KCNN2: variants seen among roughly 807,000 people sequenced by gnomAD.
The protein encoded by KCNN2 is potassium calcium-activated channel subfamily N member 2.
In KCNN2, 24 loss-of-function variants were observed where a neutral mutation model predicts 55.5. The ratio of observed to expected loss-of-function variants is 0.43; its 90% CI spans 0.31 to 0.61. The LOEUF (loss-of-function observed/expected upper bound fraction) is 0.61, where lower values mean the gene tolerates loss of function less well. Ranked by LOEUF, KCNN2 falls within the 20% of genes least tolerant of loss-of-function variation. The pLI, the probability that KCNN2 is intolerant of heterozygous loss-of-function variation, is 0.08. For missense variants in KCNN2, 754 were observed against 853.6 expected, an observed-to-expected ratio of 0.88 and a Z score of 1.45; for synonymous variants, 431 against 336.1, an observed-to-expected ratio of 1.28 and a Z score of -3.09.
At chr5:114,257,726 T>G (rs964949767) in intron 2 of KCNN2, among the ~76,000 whole-genome samples, 1 of 152,328 alleles carries the variant, frequency 6.6e-6, no homozygotes, top group Non-Finnish European at 1.5e-5. Flanking sequence ...CTGAATTCAT[T>G]TATCAGATAT....
intron 1 of KCNN2, among the ~76,000 whole-genome samples, chr5:114,159,563 G>T (rs1275213171): frequency 6.6e-6 from 1 of 152,130 alleles, no homozygotes; most frequent in East Asian, 1.9e-4. Flanking sequence ...GATTGGGATA[G>T]TTTCTGAAGG....
intron 1 of KCNN2, among the ~76,000 whole-genome samples, chr5:114,121,890 C>T (rs1171458503): frequency 6.6e-6 from 1 of 152,222 alleles, no homozygotes; most frequent in Non-Finnish European, 1.5e-5. Flanking sequence ...AAAAAGATCA[C>T]ACTTTAATAA....
chr5:114,089,802 C>A (rs1158617531), intron 1 of KCNN2, among the ~76,000 whole-genome samples: 7 of 152,088 alleles, frequency 4.6e-5, no homozygotes, highest in Non-Finnish European at 1.0e-4. Flanking sequence ...TGGGTTAAAC[C>A]ATTCCTGATA....
intron 1 of KCNN2, among the ~76,000 whole-genome samples, chr5:114,079,243 T>C (rs1750749589): frequency 6.6e-6 from 1 of 152,168 alleles, no homozygotes; most frequent in African/African-American, 2.4e-5. Flanking sequence ...ATTCAGACAA[T>C]CTAGCAGAAT....
At chr5:114,405,879 T>A (rs1758915352) in intron 3 of KCNN2, among the ~76,000 whole-genome samples, 2 of 151,820 alleles carry the variant, frequency 1.3e-5, no homozygotes, top group Admixed American at 1.3e-4. Flanking sequence ...CCTGGCTAAT[T>A]TTTTGTATTT....
At chr5:114,443,947 A>G (rs768918367) in intron 3 of KCNN2, among the ~76,000 whole-genome samples, 78 of 152,344 alleles carry the variant, frequency 5.1e-4, no homozygotes, top group African/African-American at 1.3e-3. Context: ...TGCTAAAGCA[A>G]TTGGACTTTT....
At chr5:114,467,092 CTTAAT>C (rs1414150521) in intron 4 of KCNN2, among the ~76,000 whole-genome samples, 1 of 152,108 alleles carries the variant, frequency 6.6e-6, no homozygotes. Context: ...CCGAGGAAAT[CTTAAT>C]TTAACATCAC....
At chr5:114,318,621 A>G (rs1238444143) in intron 2 of KCNN2, among the ~76,000 whole-genome samples, 2 of 151,356 alleles carry the variant, frequency 1.3e-5, no homozygotes, top group Non-Finnish European at 2.9e-5. Context: ...GATAATTCAT[A>G]TATAATTATT....
At chr5:114,160,128 C>G (rs1213973806) in intron 1 of KCNN2, among the ~76,000 whole-genome samples, 1 of 152,158 alleles carries the variant, frequency 6.6e-6, no homozygotes, top group Non-Finnish European at 1.5e-5. Flanking sequence ...CCTGCTTTCT[C>G]TCGTGGGCAT....
intron 5 of KCNN2, among the ~76,000 whole-genome samples, chr5:114,482,568 T>C (rs568409315): frequency 6.3e-4 from 96 of 152,238 alleles, no homozygotes; most frequent in African/African-American, 2.2e-3. Context: ...TATAAACATA[T>C]ATGCATGTGT....
intron 2 of KCNN2, among the ~76,000 whole-genome samples, chr5:114,392,731 G>T (rs1006488056): frequency 1.3e-5 from 2 of 151,274 alleles, no homozygotes; most frequent in African/African-American, 2.4e-5. Context: ...TCATTTCTTT[G>T]TTGACTGAAT....
intron 1 of KCNN2, among the ~76,000 whole-genome samples, chr5:114,173,883 C>G (rs1290255044): frequency 6.6e-6 from 1 of 151,840 alleles, no homozygotes; most frequent in African/African-American, 2.4e-5. Context: ...GGCAGATTCA[C>G]TAAAAATTTA....
At chr5:114,372,191 T>C (rs1344681304) in intron 2 of KCNN2, among the ~76,000 whole-genome samples, 1 of 152,178 alleles carries the variant, frequency 6.6e-6, no homozygotes, top group Non-Finnish European at 1.5e-5. Context: ...TGGTCGATAT[T>C]GGTGGTTCTT....
chr5:114,386,288 G>T (rs1758283942), intron 2 of KCNN2, among the ~76,000 whole-genome samples: 1 of 151,874 alleles, frequency 6.6e-6, no homozygotes, highest in Non-Finnish European at 1.5e-5. Context: ...AGTGATTGTG[G>T]ATTTACACAG....
chr5:114,083,785 C>G (rs988825532), intron 1 of KCNN2, among the ~76,000 whole-genome samples: 2 of 152,088 alleles, frequency 1.3e-5, no homozygotes, highest in East Asian at 3.8e-4. Context: ...TCCACCCTTA[C>G]GTTATTACAA....
chr5:114,060,245 G>A (rs1436844580), intron 1 of KCNN2, among the ~76,000 whole-genome samples: 1 of 152,220 alleles, frequency 6.6e-6, no homozygotes, highest in Non-Finnish European at 1.5e-5. Flanking sequence ...TGCTACATTT[G>A]GGCTTGGCAT....
chr5:114,300,825 A>G (rs1029040008), intron 2 of KCNN2, among the ~76,000 whole-genome samples: 2 of 152,190 alleles, frequency 1.3e-5, no homozygotes, highest in Non-Finnish European at 2.9e-5. Context: ...CTTTAAAAGC[A>G]CATATTTTCT....
chr5:114,313,902 T>C (rs531453474), intron 2 of KCNN2, among the ~76,000 whole-genome samples: 4 of 152,274 alleles, frequency 2.6e-5, no homozygotes, highest in Non-Finnish European at 5.9e-5. Flanking sequence ...TTTTACGGGC[T>C]TTTTGCTTCT....
At chr5:114,078,852 A>C (rs548525542) in intron 1 of KCNN2, among the ~76,000 whole-genome samples, 1 of 152,324 alleles carries the variant, frequency 6.6e-6, no homozygotes, top group Admixed American at 6.5e-5. Flanking sequence ...ATCATATTCA[A>C]TTACCTCTGC....
Sources: gnomAD v4.1 joint callset for allele counts (sites outside exome capture counted in the v4.1 genomes callset) on GRCh38, gnomAD v4.1.1 for gene constraint, MANE v1.5 for transcripts, NCBI Gene and HGNC (gene_info 2026-07-23, HGNC 2026-07-21) for gene names.